Variants in TLK1 observed in about 807,000 individuals in gnomAD.
TLK1 encodes serine/threonine-protein kinase tousled-like 1.
TLK1 carries 24 observed loss-of-function variants against 105.3 expected under a neutral mutation model. That is an observed-to-expected ratio of 0.23 (90% CI 0.17 to 0.32). The LOEUF (loss-of-function observed/expected upper bound fraction) is 0.32. Ranked by LOEUF, TLK1 falls within the 10% of genes least tolerant of loss-of-function variation. The pLI is 1.00. For missense variants in TLK1, 558 were observed against 910.5 expected, an observed-to-expected ratio of 0.61 and a Z score of 4.98; for synonymous variants, 321 against 310.4, an observed-to-expected ratio of 1.03 and a Z score of -0.36.
chr2:171,176,822 C>T (rs1054463304), intron 1 of TLK1, among the ~76,000 whole-genome samples: 14 of 152,030 alleles, frequency 9.2e-5, no homozygotes, highest in African/African-American at 2.9e-4. Context: ...TTCACCTCAT[C>T]GGCCTATTTT....
chr2:171,199,367 T>A (rs1230106072), intron 1 of TLK1, among the ~76,000 whole-genome samples: 1 of 152,076 alleles, frequency 6.6e-6, no homozygotes, highest in Non-Finnish European at 1.5e-5. Context: ...AAAAATTAGC[T>A]GGCTATGGTG....
intron 1 of TLK1, among the ~76,000 whole-genome samples, chr2:171,194,711 G>A (rs1025558537): frequency 6.6e-6 from 1 of 151,488 alleles, no homozygotes; most frequent in East Asian, 1.9e-4. Flanking sequence ...CAGCTACTCC[G>A]GAGGCTGAGG....
chr2:171,043,366 G>C (rs984140476), intron 11 of TLK1, among the ~76,000 whole-genome samples: 2 of 152,142 alleles, frequency 1.3e-5, no homozygotes, highest in African/African-American at 4.8e-5. Context: ...TAGAAGTACT[G>C]AGTGATGGCA....
At chr2:171,016,095 G>A (rs913353613) in intron 12 of TLK1, among the ~76,000 whole-genome samples, 4 of 151,946 alleles carry the variant, frequency 2.6e-5, no homozygotes, top group African/African-American at 7.2e-5. Flanking sequence ...CCAGCCCACC[G>A]CCACCCGCCG....
At chr2:171,228,908 C>T (rs1329682211) in intron 1 of TLK1, among the ~76,000 whole-genome samples, 2 of 152,208 alleles carry the variant, frequency 1.3e-5, no homozygotes, top group Admixed American at 6.5e-5. Context: ...CTCAACTCTG[C>T]CAATTGGCCT....
intron 1 of TLK1, among the ~76,000 whole-genome samples, chr2:171,188,420 A>G (rs1454895992): frequency 3.3e-5 from 5 of 152,142 alleles, no homozygotes; most frequent in Non-Finnish European, 5.9e-5. Flanking sequence ...AAACACAAAA[A>G]TTAGGCCAAG....
intron 1 of TLK1, among the ~76,000 whole-genome samples, chr2:171,158,203 C>A (rs1302347627): frequency 6.6e-6 from 1 of 152,138 alleles, no homozygotes; most frequent in Admixed American, 6.5e-5. Flanking sequence ...AACTTGCATG[C>A]TGGTTGGTCA....
At chr2:171,135,319 G>GTATATATATATATATA (rs201751767) in intron 1 of TLK1, among the ~76,000 whole-genome samples, 2 of 70,314 alleles carry the variant, frequency 2.8e-5, no homozygotes, top group South Asian at 2.8e-4. Flanking sequence ...GTGTGTGTGT[G>GTATATATATATATATA]TATATATATA....
At chr2:171,105,989 AT>A (rs1290975376) in intron 2 of TLK1, among the ~76,000 whole-genome samples, 1 of 152,240 alleles carries the variant, frequency 6.6e-6, no homozygotes, top group Non-Finnish European at 1.5e-5. Context: ...GATAAAGAAA[AT>A]GTGGTATACA....
Position 171,006,627 on chromosome 2 carries a change from C to T in TLK1, c.1615G>A (p.Glu539Lys). 1 of 1,612,364 alleles carries T rather than the reference C, an allele frequency of 6.2e-7. No homozygotes were observed. The highest frequency in any genetic ancestry group is 1.1e-5 in the South Asian group (1 of 91,052). ...LDTDTFCTVL[E>K]YCEGNDLDFY... is the part of the protein sequence containing the mutation. ...TCCAAGTCATTGCCTTCACAGTATT[C>T]TAACACTGTACAAAACCTACAACAG... Residue 539 changes from glutamate to lysine, a missense_variant, in exon 17 of 21, where the codon GAA becomes AAA. Around this residue, in one of 5 missense-constraint regions of TLK1, gnomAD observed 218 missense variants for 492.9 expected, o/e 0.44. Coordinates refer to ENST00000431350, the MANE Select transcript of TLK1 (RefSeq NM_012290.5).
At chr2:171,176,040 G>A (rs1481331567) in intron 1 of TLK1, among the ~76,000 whole-genome samples, 2 of 152,000 alleles carry the variant, frequency 1.3e-5, no homozygotes, top group South Asian at 2.1e-4. Context: ...GGGTTCAAGC[G>A]ATTCTCCTGC....
At chr2:171,167,276 T>C (rs1368393982) in intron 1 of TLK1, among the ~76,000 whole-genome samples, 1 of 152,240 alleles carries the variant, frequency 6.6e-6, no homozygotes, top group Non-Finnish European at 1.5e-5. Context: ...TATTGGGCCT[T>C]CTTCCTTCTT....
intron 4 of TLK1, chr2:171,059,818 A>G (rs1687664098): frequency 1.4e-6 from 1 of 734,854 alleles, no homozygotes; most frequent in South Asian, 1.4e-5. Flanking sequence ...GATCCCTTGC[A>G]TGTGCAGTTC....
In TLK1 at chr2:171,055,189, A is replaced by G. The variant is rs1304114897; in HGVS notation, c.550-17T>C. ...CGGTCGAACCTAAAGAAATTATTAA[A>G]ATTTTTATATTAGCAAAAAAAAAAA... is the stretch of plus-strand genomic sequence containing the variant. On this transcript the variant is annotated splice_polypyrimidine_tract_variant and intron_variant, in intron 6 of 20. Transcript: ENST00000431350. The G allele has an allele frequency of 3.1e-6, 4 of 1,278,704 alleles. No homozygotes were observed. In the African/African-American group the frequency reaches 6.5e-5, roughly 21 times the overall value. The allele number at this position is 1,278,704 out of a possible 1,614,324, so 79.2% of individuals were successfully genotyped here.
At chr2:171,184,421 T>A (rs1692985052) in intron 1 of TLK1, among the ~76,000 whole-genome samples, 1 of 152,108 alleles carries the variant, frequency 6.6e-6, no homozygotes, top group Admixed American at 6.5e-5. Flanking sequence ...GGCAGGCAGA[T>A]CACCTGAATT....
chr2:171,030,604 G>T (rs186379146), intron 11 of TLK1, among the ~76,000 whole-genome samples: 1 of 152,232 alleles, frequency 6.6e-6, no homozygotes, highest in African/African-American at 2.4e-5. Flanking sequence ...ATGGGTACAG[G>T]TTTATGCCAC....
In TLK1 at chr2:171,038,906, T is replaced by C. The variant is rs554563818; in HGVS notation, c.1169+7268A>G. ...TTGTAATGCTTTATTTTTATCTACA[T>C]GTTCTATTTCTAAGAAATGTGCTTA... On this transcript the variant is annotated intron_variant, in intron 11 of 20. Transcript: ENST00000431350. Among the ~76,000 whole-genome samples the C allele has an allele frequency of 3.9e-5, 6 of 152,328 alleles. 1 individual carries two copies. The South Asian group carries it at 6.2e-4, about 16-fold the overall frequency.
intron 1 of TLK1, among the ~76,000 whole-genome samples, chr2:171,183,950 G>A (rs1692973796): frequency 6.6e-6 from 1 of 152,120 alleles, no homozygotes; most frequent in Admixed American, 6.5e-5. Context: ...ACCTTACATA[G>A]CATAAGAGAT....
chr2:171,146,604 G>A (rs967768608), intron 1 of TLK1, among the ~76,000 whole-genome samples: 2 of 152,110 alleles, frequency 1.3e-5, no homozygotes, highest in Non-Finnish European at 2.9e-5. Context: ...AGATACAGAC[G>A]TCAAGAAAAA....
Sources: allele counts gnomAD v4.1 joint callset (sites outside exome capture counted in the v4.1 genomes callset), GRCh38; gene constraint gnomAD v4.1.1; regional missense constraint gnomAD v4.1.1; transcripts MANE v1.5; gene names NCBI Gene and HGNC (gene_info 2026-07-23, HGNC 2026-07-21).